SCART1: variants seen among roughly 807,000 people sequenced by gnomAD.
SCART1 encodes scavenger receptor cysteine-rich domain-containing protein SCART1.
Under a neutral mutation model 36.2 loss-of-function variants are expected in SCART1, and 62 were observed. The observed-to-expected ratio is 1.71, with a 90% CI of 1.40 to 2.12. The LOEUF (loss-of-function observed/expected upper bound fraction) is 2.12, where lower values mean the gene tolerates loss of function less well. SCART1 is among the 30% of genes most tolerant of loss of function. The pLI, the probability that SCART1 is intolerant of heterozygous loss-of-function variation, is 0.00. For synonymous variants in SCART1, 487 were observed against 238.7 expected (o/e 2.04, Z -9.59); for missense variants, 1,041 against 540.5 (o/e 1.93, Z -9.18).
chr10:133,466,150 C>A, intron 9 of SCART1, 85 bp from the exon 10 acceptor site: 1 of 654,204 alleles, frequency 1.5e-6, no homozygotes. Flanking sequence ...GAGGGTGTGG[C>A]TGGGCCCTTG....
exon 12 of SCART1, chr10:133,467,926 A>T (rs1220526898): frequency 1.4e-6 from 1 of 699,204 alleles, no homozygotes; most frequent in Non-Finnish European, 2.6e-6. Flanking sequence ...TTTCTCAGGG[A>T]TATGACGAGG....
chr10:133,456,171 G>A (rs1313335414), intron 1 of SCART1, 66 bp from the exon 2 acceptor site: 11 of 656,802 alleles, frequency 1.7e-5, no homozygotes, highest in East Asian at 5.4e-5. Context: ...CTGCTGCCGC[G>A]GCTGCCATCT....
chr10:133,454,926 C>T (rs766000165), intron 1 of SCART1, among the ~76,000 whole-genome samples: 15 of 151,946 alleles, frequency 9.9e-5, no homozygotes, highest in Non-Finnish European at 1.5e-4. Context: ...GCACAAGGGC[C>T]GGAATTCTCT....
intron 6 of SCART1, among the ~76,000 whole-genome samples, chr10:133,463,327 T>G (rs897295598): frequency 6.6e-6 from 1 of 152,102 alleles, no homozygotes; most frequent in African/African-American, 2.4e-5. Flanking sequence ...ACCTAAAATC[T>G]ACTTTCCTAG....
At chr10:133,461,442 A>C (rs1374929249) in intron 6 of SCART1, among the ~76,000 whole-genome samples, 5 of 152,162 alleles carry the variant, frequency 3.3e-5, no homozygotes, top group Non-Finnish European at 1.5e-5. Flanking sequence ...TTCTTCAGCG[A>C]TATCTTGGAT....
chr10:133,464,462 T>C, intron 6 of SCART1, 144 bp from the exon 7 acceptor site: 1 of 589,924 alleles, frequency 1.7e-6, no homozygotes, highest in East Asian at 2.8e-5. Flanking sequence ...GTAGTAGCTC[T>C]AGTTTAAATT....
exon 1 of SCART1, chr10:133,454,007 GCTCTCTGGA>G: frequency 1.4e-6 from 1 of 703,012 alleles, no homozygotes; most frequent in Admixed American, 2.0e-5. Context: ...CATGAGGGCA[GCTCTCTGGA>G]CCCTGGGACT....
intron 6 of SCART1, among the ~76,000 whole-genome samples, chr10:133,460,640 A>T (rs1272457810): frequency 6.6e-6 from 1 of 151,298 alleles, no homozygotes; most frequent in African/African-American, 2.4e-5. Context: ...TAGTCCAGGG[A>T]TCCTTCAGCC....
chr10:133,455,674 A>C (rs935276839), intron 1 of SCART1, among the ~76,000 whole-genome samples: 1 of 151,910 alleles, frequency 6.6e-6, no homozygotes. Flanking sequence ...AGTAGCTGAG[A>C]TGCTCAGAGA....
chr10:133,463,861 A>G (rs1320393214), intron 6 of SCART1, among the ~76,000 whole-genome samples: 1 of 152,138 alleles, frequency 6.6e-6, no homozygotes, highest in Non-Finnish European at 1.5e-5. Context: ...ATTTGAAACC[A>G]TATAATATAC....
chr10:133,457,416 G>C (rs1467513625), exon 3 of SCART1: 1 of 702,290 alleles, frequency 1.4e-6, no homozygotes, highest in East Asian at 2.7e-5. Flanking sequence ...CCGGGAGCTG[G>C]GGTGCGGCCC....
At chr10:133,461,595 C>A (rs117223384) in intron 6 of SCART1, among the ~76,000 whole-genome samples, 9 of 152,144 alleles carry the variant, frequency 5.9e-5, no homozygotes, top group Non-Finnish European at 1.2e-4. Context: ...GTGGCACCCA[C>A]GTCACAATCT....
intron 4 of SCART1, 161 bp downstream of exon 4, chr10:133,458,817 T>C: frequency 3.0e-6 from 2 of 663,994 alleles, no homozygotes. Context: ...TGTAGAGTGA[T>C]GTACCCCAAG....
At chr10:133,468,369 T>C (rs918097758) in exon 12 of SCART1, 3 of 158,100 alleles carry the variant, frequency 1.9e-5, no homozygotes, top group African/African-American at 7.2e-5. Context: ...CTCTTCTTAA[T>C]TGAATCCAAA....
At chr10:133,460,496 A>ATATATATATATATATATATT in intron 6 of SCART1, among the ~76,000 whole-genome samples, 1 of 136,016 alleles carries the variant, frequency 7.4e-6, no homozygotes, top group South Asian at 2.7e-4. Flanking sequence ...ATATTTATAT[A>ATATATATATATATATATATT]TTTTAAAAAA....
chr10:133,458,762 A>C, intron 4 of SCART1, 106 bp downstream of exon 4: 1 of 674,968 alleles, frequency 1.5e-6, no homozygotes, highest in South Asian at 1.6e-5. Flanking sequence ...GGTGCTTTTG[A>C]TGTTTGCTTC....
chr10:133,456,280 C>T (rs1021891382), exon 2 of SCART1: 37 of 702,702 alleles, frequency 5.3e-5, no homozygotes, highest in Admixed American at 1.0e-4. Flanking sequence ...ACAGCACGTG[C>T]GACGGAGTGG....
At chr10:133,464,689 A>G (rs2492654) in exon 7 of SCART1, 595,577 of 700,226 alleles carry the variant, frequency 0.85, 253,425 homozygotes, top group Middle Eastern at 0.92. Context: ...CTGGGGCGCC[A>G]TGTGCAGCAA....
intron 6 of SCART1, among the ~76,000 whole-genome samples, chr10:133,461,595 C>G (rs117223384): frequency 0.031 from 4,786 of 152,254 alleles, 110 homozygotes; most frequent in East Asian, 0.062. Context: ...GTGGCACCCA[C>G]GTCACAATCT....
Sources: allele counts gnomAD v4.1 joint callset (sites outside exome capture counted in the v4.1 genomes callset), GRCh38; gene constraint gnomAD v4.1.1; transcripts MANE v1.5; gene names NCBI Gene and HGNC (gene_info 2026-07-23, HGNC 2026-07-21).